The following TENM2 variants were observed in gnomAD, a reference collection of about 807,000 sequenced individuals.
TENM2 encodes teneurin-2.
TENM2 carries 52 observed loss-of-function variants against 245.2 expected under a neutral mutation model. The ratio of observed to expected loss-of-function variants is 0.21; its 90% CI spans 0.17 to 0.27. The LOEUF (loss-of-function observed/expected upper bound fraction) is 0.27, where lower values mean the gene tolerates loss of function less well. TENM2 is among the 10% of genes least tolerant of loss of function. The pLI is 1.00. For missense variants in TENM2, 3,046 were observed against 3,666.8 expected, an observed-to-expected ratio of 0.83 and a Z score of 4.37; for synonymous variants, 1,363 against 1,438.9, an observed-to-expected ratio of 0.95 and a Z score of 1.19.
At chr5:167,906,098 A>G (rs191760806) in intron 3 of TENM2, among the ~76,000 whole-genome samples, 76 of 152,296 alleles carry the variant, frequency 5.0e-4, no homozygotes, top group African/African-American at 1.8e-3. Flanking sequence ...CCTGCAGGAG[A>G]TAACTTATAA....
intron 2 of TENM2, among the ~76,000 whole-genome samples, chr5:167,582,863 C>T (rs1218607513): frequency 6.6e-6 from 1 of 152,110 alleles, no homozygotes; most frequent in Non-Finnish European, 1.5e-5. Context: ...ATTCAGTCCC[C>T]TTGACTCTTA....
intron 3 of TENM2, chr5:167,938,629 T>C (rs938306933): frequency 2.0e-5 from 3 of 152,254 alleles, no homozygotes; most frequent in Admixed American, 2.0e-4. Context: ...CAATCATTAA[T>C]TGCTGAATGA....
the TENM2 span, among the ~76,000 whole-genome samples, chr5:166,999,905 GAAC>G: frequency 2.0e-5 from 3 of 152,112 alleles, no homozygotes; most frequent in Non-Finnish European, 2.9e-5. Context: ...GCTGGAGATG[GAAC>G]ACTGGAAAAT....
intron 26 of TENM2, among the ~76,000 whole-genome samples, chr5:168,245,779 T>G: frequency 6.6e-6 from 1 of 152,148 alleles, no homozygotes; most frequent in East Asian, 1.9e-4. Flanking sequence ...ACAGAACTGC[T>G]GTCCCCTTGG....
At chr5:168,209,504 T>C (rs1414935628) in intron 19 of TENM2, among the ~76,000 whole-genome samples, 1 of 152,202 alleles carries the variant, frequency 6.6e-6, no homozygotes, top group Non-Finnish European at 1.5e-5. Context: ...CTCATCCTCC[T>C]GAAACTAAAC....
At chr5:167,245,480 G>A in the TENM2 span, among the ~76,000 whole-genome samples, 1 of 150,760 alleles carries the variant, frequency 6.6e-6, no homozygotes, top group East Asian at 2.0e-4. Context: ...TTTCAAATGT[G>A]CATATATGTT....
intron 9 of TENM2, among the ~76,000 whole-genome samples, chr5:168,102,053 T>TGTG (rs1793858710): frequency 2.0e-5 from 3 of 150,988 alleles, no homozygotes; most frequent in African/African-American, 7.3e-5. Flanking sequence ...TTTTTTGTTT[T>TGTG]TGTGTGTGTG....
chr5:167,634,659 T>G (rs566732309), intron 2 of TENM2, among the ~76,000 whole-genome samples: 1 of 151,932 alleles, frequency 6.6e-6, no homozygotes, highest in Admixed American at 6.6e-5. Context: ...AAATAAAGCT[T>G]CTTTTTTTTT....
chr5:167,423,227 G>A (rs1236739319), intron 2 of TENM2, among the ~76,000 whole-genome samples: 1 of 152,060 alleles, frequency 6.6e-6, no homozygotes, highest in Non-Finnish European at 1.5e-5. Flanking sequence ...ATTTTTAGGG[G>A]TCATTGGTAC....
intron 3 of TENM2, among the ~76,000 whole-genome samples, chr5:167,945,948 C>T (rs1196581229): frequency 6.6e-6 from 1 of 152,188 alleles, no homozygotes; most frequent in Non-Finnish European, 1.5e-5. Context: ...CTTGTTTCTC[C>T]TCCACTCTGA....
intron 21 of TENM2, 26 bp from the exon 24 acceptor site, chr5:168,216,742 A>T: frequency 6.2e-7 from 1 of 1,613,506 alleles, no homozygotes; most frequent in Non-Finnish European, 8.5e-7. Context: ...TCCAAGAGAT[A>T]AATCCACACC....
intron 4 of TENM2, among the ~76,000 whole-genome samples, chr5:167,959,617 T>G (rs1468903906): frequency 6.6e-6 from 1 of 152,232 alleles, no homozygotes; most frequent in Non-Finnish European, 1.5e-5. Flanking sequence ...TTTTCAAGGT[T>G]GTTAGCTTCC....
intron 2 of TENM2, among the ~76,000 whole-genome samples, chr5:167,499,857 T>TGTGA (rs1769059008): frequency 6.7e-6 from 1 of 150,028 alleles, no homozygotes; most frequent in East Asian, 2.0e-4. Context: ...TGTGTGTGTG[T>TGTGA]GCATGTGTAT....
chr5:167,920,750 G>C (rs895438047), intron 3 of TENM2, among the ~76,000 whole-genome samples: 1 of 152,080 alleles, frequency 6.6e-6, no homozygotes, highest in African/African-American at 2.4e-5. Context: ...CAGAAAACAG[G>C]AACAGTTTTC....
At chr5:168,241,182 T>C (rs1418208797) in intron 25 of TENM2, 1 of 152,168 alleles carries the variant, frequency 6.6e-6, no homozygotes, top group Non-Finnish European at 1.5e-5. Context: ...GAAGTTAGGG[T>C]TCCTTATAAT....
intron 7 of TENM2, among the ~76,000 whole-genome samples, chr5:168,089,734 G>A (rs749118682): frequency 1.3e-5 from 2 of 152,134 alleles, no homozygotes; most frequent in Non-Finnish European, 2.9e-5. Context: ...TTTCTTATCT[G>A]TAAAATATGA....
intron 2 of TENM2, among the ~76,000 whole-genome samples, chr5:167,431,314 C>T (rs1027209290): frequency 2.0e-5 from 3 of 152,060 alleles, no homozygotes; most frequent in Admixed American, 2.0e-4. Context: ...TACAAAATGA[C>T]TTAGGTTAGT....
chr5:167,820,866 A>G (rs1333058548), intron 2 of TENM2, among the ~76,000 whole-genome samples: 3 of 152,156 alleles, frequency 2.0e-5, no homozygotes, highest in South Asian at 4.1e-4. Context: ...GGAGAGGGAG[A>G]GGGACCACAA....
the TENM2 span, among the ~76,000 whole-genome samples, chr5:167,153,414 A>T: frequency 0.032 from 4,889 of 152,234 alleles, 272 homozygotes; most frequent in African/African-American, 0.11. Context: ...GATGATCATA[A>T]ATGTCTTCAT....
Sources: gnomAD v4.1 joint callset for allele counts (sites outside exome capture counted in the v4.1 genomes callset) on GRCh38, gnomAD v4.1.1 for gene constraint, MANE v1.5 for transcripts, NCBI Gene and HGNC (gene_info 2026-07-23, HGNC 2026-07-21) for gene names.